DNAL4: variants seen among roughly 807,000 people sequenced by gnomAD.
DNAL4 encodes dynein light chain, outer arm 4.
Under a neutral mutation model 12.6 loss-of-function variants are expected in DNAL4, and 10 were observed. The observed-to-expected ratio is 0.79, with a 90% confidence interval of 0.49 to 1.34. The LOEUF is 1.34. Among genes scored for constraint, DNAL4 ranks in the 40% most tolerant of loss-of-function variants. DNAL4 has a pLI of 0.00. For synonymous variants in DNAL4, 46 were observed against 53.1 expected (o/e 0.87, Z 0.58); for missense variants, 128 against 138.1 (o/e 0.93, Z 0.37).
intron 1 of DNAL4, among the ~76,000 whole-genome samples, chr22:38,787,098 G>C (rs78255873): frequency 0.06 from 9,204 of 152,150 alleles, 747 homozygotes; most frequent in African/African-American, 0.19. Context: ...GCACCTGAGA[G>C]ATTGCAGGAC....
At chr22:38,781,303 G>A (rs1174279590) in intron 2 of DNAL4, among the ~76,000 whole-genome samples, 1 of 152,272 alleles carries the variant, frequency 6.6e-6, no homozygotes, top group African/African-American at 2.4e-5. Flanking sequence ...GGGAATGCTG[G>A]CTATGGAAGT....
intron 1 of DNAL4, among the ~76,000 whole-genome samples, chr22:38,792,034 A>G (rs1281654718): frequency 6.6e-6 from 1 of 151,944 alleles, no homozygotes; most frequent in African/African-American, 2.4e-5. Context: ...TAAACACCGT[A>G]AAAAATTTAC....
In DNAL4 at chr22:38,785,434, G is replaced by A. The variant is rs538189798; in HGVS notation, c.-139-2564C>T. 3 of 152,370 alleles carry A rather than the reference G, an allele frequency of 2.0e-5. No homozygotes were observed. The South Asian group carries it at 6.2e-4, about 32-fold the overall frequency. 9.4% of individuals were successfully genotyped at this position (152,370 alleles called of 1,614,324 possible). A position where few individuals can be genotyped will look rare whatever the true frequency, so the allele number is the denominator to read the frequency against. ...CAATTCATCCCGGAGGCTAAAAAGT[G>A]CTGGCATGTAGGAGCCAGGAGGGAA... On this transcript the variant is annotated intron_variant, in intron 1 of 3. Transcript: ENST00000216068.
In DNAL4 at chr22:38,779,254, AGGGAGACG is replaced by A; in HGVS notation, c.*187_*194del. On this transcript the variant is annotated 3_prime_UTR_variant, in exon 4 of 4. Transcript: ENST00000216068. The surrounding 1 kb of genome is among the most constrained non-coding windows in gnomAD (Gnocchi z 4.3). ...GCCCCGTCCACACCCTGAGACTCCG[AGGGAGACG>A]GTTGAGAGCCTGGGGATGGAGATGT... The A allele has an allele frequency of 2.8e-6, 2 of 711,512 alleles. No homozygotes were observed. Among genetic ancestry groups the A allele is most frequent in the Non-Finnish European group, 4.4e-6 (2 of 458,360 alleles). The allele number at this position is 711,512 out of a possible 1,614,324, so 44.1% of individuals were successfully genotyped here.
At chr22:38,785,316 AGTTT>A (rs1447186230) in intron 1 of DNAL4, 6 of 152,228 alleles carry the variant, frequency 3.9e-5, no homozygotes, top group South Asian at 2.1e-4. Context: ...AAGGGCACAC[AGTTT>A]GTTTATCTCT....
At chr22:38,783,282 A>C (rs2146164885) in intron 1 of DNAL4, among the ~76,000 whole-genome samples, 3 of 136,826 alleles carry the variant, frequency 2.2e-5, no homozygotes, top group Admixed American at 7.2e-5. Flanking sequence ...CTCCCACTAC[A>C]TACACGGGCC....
chr22:38,792,365 C>T (rs1422948872), intron 1 of DNAL4, among the ~76,000 whole-genome samples: 1 of 152,078 alleles, frequency 6.6e-6, no homozygotes, highest in East Asian at 1.9e-4. Flanking sequence ...GCACTGAAAC[C>T]TCCACCTCCC....
chr22:38,784,639 T>C (rs1471366923), intron 1 of DNAL4, among the ~76,000 whole-genome samples: 1 of 151,834 alleles, frequency 6.6e-6, no homozygotes, highest in Admixed American at 6.6e-5. Flanking sequence ...GCCTCCCAAG[T>C]AGCTGGGACT....
chr22:38,779,273 T>G lies in DNAL4; in HGVS notation c.*176A>C. The G allele has an allele frequency of 1.2e-6, 1 of 819,930 alleles. No individual in the cohort carries two copies. The highest frequency in any genetic ancestry group is 2.7e-5 in the East Asian group (1 of 36,382). 50.8% of individuals were successfully genotyped at this position (819,930 alleles called of 1,614,324 possible). On this transcript the variant is annotated 3_prime_UTR_variant, in exon 4 of 4. Coordinates refer to ENST00000216068, the MANE Select transcript of DNAL4 (RefSeq NM_005740.3). This position sits in a 1 kb window ranked among gnomAD's most constrained non-coding sequence, Gnocchi z 4.3. ...ACTCCGAGGGAGACGGTTGAGAGCC[T>G]GGGGATGGAGATGTCAAGTTCACAC...
chr22:38,782,598 C>T lies in DNAL4; in HGVS notation c.69+65G>A. 1.3e-6 allele frequency: 2 copies of T among 1,561,124 alleles called. No homozygotes were observed. Among genetic ancestry groups the T allele is most frequent in the South Asian group, 1.1e-5 (1 of 88,564 alleles). ...CTGCCATCCTGCAAGGGACAAGCTCCACCCACCTCTCTCCAGGCTGTGTGG... is the reference window on the plus strand; with the variant it reads ...CTGCCATCCTGCAAGGGACAAGCTCTACCCACCTCTCTCCAGGCTGTGTGG... On this transcript the variant is annotated intron_variant, in intron 2 of 3. Coordinates refer to ENST00000216068, the MANE Select transcript of DNAL4 (RefSeq NM_005740.3). This position sits in a 1 kb window ranked among gnomAD's most constrained non-coding sequence, Gnocchi z 5.1.
intron 1 of DNAL4, among the ~76,000 whole-genome samples, chr22:38,786,450 T>C (rs1295966637): frequency 6.6e-6 from 1 of 152,074 alleles, no homozygotes; most frequent in African/African-American, 2.4e-5. Flanking sequence ...TCCCAGCTAC[T>C]GGGGAGGCTG....
chr22:38,780,919 G>A lies in DNAL4; in HGVS notation c.153+7C>T. On this transcript the variant is annotated splice_region_variant and intron_variant, in intron 3 of 3. Transcript: ENST00000216068. ...GCACGAGGGGCCGCCTGCACTGCTG[G>A]CAATACCTCGTTGTTGTTGGAGAAT... The A allele has an allele frequency of 6.2e-7, 1 of 1,614,188 alleles. No homozygotes were observed. Among genetic ancestry groups the A allele is most frequent in the Non-Finnish European group, 8.5e-7 (1 of 1,180,010 alleles).
chr22:38,784,306 A>C (rs2093038861), intron 1 of DNAL4, among the ~76,000 whole-genome samples: 1 of 152,128 alleles, frequency 6.6e-6, no homozygotes, highest in Non-Finnish European at 1.5e-5. Context: ...GAGGTCACTC[A>C]GCTCGTTAGC....
At chr22:38,790,165 T>C (rs1450143041) in intron 1 of DNAL4, among the ~76,000 whole-genome samples, 1 of 152,142 alleles carries the variant, frequency 6.6e-6, no homozygotes, top group Non-Finnish European at 1.5e-5. Flanking sequence ...GATGTGTGGA[T>C]CTTTTTCATA....
intron 1 of DNAL4, among the ~76,000 whole-genome samples, chr22:38,783,860 G>GCTTCTACTAAAGAGACGGGC (rs1225717204): frequency 2.6e-5 from 4 of 152,248 alleles, no homozygotes; most frequent in African/African-American, 7.2e-5. Context: ...AACCGACGGG[G>GCTTCTACTAAAGAGACGGGC]CTTCTACTAA....
chr22:38,780,911 C>T lies in DNAL4; in HGVS notation c.153+15G>A. The T allele has an allele frequency of 6.2e-7, 1 of 1,614,196 alleles. No individual in the cohort carries two copies. Among genetic ancestry groups the T allele is most frequent in the Non-Finnish European group, 8.5e-7 (1 of 1,180,006 alleles). ...CATCAAAAGCACGAGGGGCCGCCTG[C>T]ACTGCTGGCAATACCTCGTTGTTGT... On this transcript the variant is annotated intron_variant, in intron 3 of 3. Coordinates refer to ENST00000216068, the MANE Select transcript of DNAL4 (RefSeq NM_005740.3).
Position 38,779,306 on chromosome 22 carries a change from G to T in DNAL4, c.*143C>A. 2 of 1,102,822 alleles carry T rather than the reference G, an allele frequency of 1.8e-6. No individual in the cohort carries two copies. Among genetic ancestry groups the T allele is most frequent in the Non-Finnish European group, 2.5e-6 (2 of 800,890 alleles). The allele number at this position is 1,102,822 out of a possible 1,614,324, so 68.3% of individuals were successfully genotyped here. A position where few individuals can be genotyped will look rare whatever the true frequency, so the allele number is the denominator to read the frequency against. ...GAGATGTCAAGTTCACACACTGGGC[G>T]TGGCTCAGGAAACTGGTACACAAAG... On this transcript the variant is annotated 3_prime_UTR_variant, in exon 4 of 4. Transcript: ENST00000216068. The surrounding 1 kb of genome is among the most constrained non-coding windows in gnomAD (Gnocchi z 4.3).
intron 1 of DNAL4, among the ~76,000 whole-genome samples, chr22:38,784,200 G>A (rs142730255): frequency 1.4e-4 from 22 of 152,278 alleles, no homozygotes; most frequent in African/African-American, 5.1e-4. Context: ...CCTGCCTGTC[G>A]GTGTTTCACA....
intron 1 of DNAL4, among the ~76,000 whole-genome samples, chr22:38,791,869 TG>T (rs1203082990): frequency 4.6e-5 from 7 of 151,110 alleles, no homozygotes; most frequent in Admixed American, 6.6e-5. Flanking sequence ...TTTTGTGTGT[TG>T]TTTTTTTTTT....
Sources: gnomAD v4.1 joint callset for allele counts (sites outside exome capture counted in the v4.1 genomes callset) on GRCh38, gnomAD v4.1.1 for gene constraint, Gnocchi (gnomAD v3.1) non-coding constraint, MANE v1.5 for transcripts, NCBI Gene and HGNC (gene_info 2026-07-23, HGNC 2026-07-21) for gene names.